Variants in HEMK2 observed in about 807,000 individuals in gnomAD.
The protein encoded by HEMK2 is methyltransferase HEMK2.
chr21:28,725,183 G>A, the HEMK2 span, among the ~76,000 whole-genome samples: 48,264 of 152,006 alleles, frequency 0.32, 8,514 homozygotes, highest in East Asian at 0.55. Context: ...GTTGTTGGGT[G>A]TCCCTAGAGC....
chr21:28,771,658 C>T, the HEMK2 span, among the ~76,000 whole-genome samples: 1 of 152,064 alleles, frequency 6.6e-6, no homozygotes, highest in Non-Finnish European at 1.5e-5. Context: ...TCTCTGTGTC[C>T]ATTTTAACAG....
the HEMK2 span, among the ~76,000 whole-genome samples, chr21:28,600,175 C>T: frequency 2.0e-5 from 3 of 152,250 alleles, no homozygotes; most frequent in Admixed American, 6.5e-5. Context: ...GGGCTTTAAC[C>T]ACACATTTCC....
chr21:28,807,339 T>C, the HEMK2 span, among the ~76,000 whole-genome samples: 1 of 152,216 alleles, frequency 6.6e-6, no homozygotes, highest in African/African-American at 2.4e-5. Flanking sequence ...CTACCCACCA[T>C]ATCCAATCCA....
the HEMK2 span, among the ~76,000 whole-genome samples, chr21:28,755,893 T>C: frequency 6.6e-6 from 1 of 152,200 alleles, no homozygotes; most frequent in African/African-American, 2.4e-5. Context: ...CTTATACCTA[T>C]ATGCACGAAG....
the HEMK2 span, among the ~76,000 whole-genome samples, chr21:28,858,992 G>A: frequency 1.3e-5 from 2 of 152,294 alleles, no homozygotes; most frequent in African/African-American, 4.8e-5. Context: ...TTCTTTAATT[G>A]ATGCTATTTC....
At chr21:28,726,051 T>TTTCCA in the HEMK2 span, among the ~76,000 whole-genome samples, 1 of 152,186 alleles carries the variant, frequency 6.6e-6, no homozygotes, top group Non-Finnish European at 1.5e-5. Flanking sequence ...TAAAGTCATA[T>TTTCCA]TTCCATTCCA....
chr21:28,596,010 T>C, the HEMK2 span, among the ~76,000 whole-genome samples: 2 of 151,572 alleles, frequency 1.3e-5, no homozygotes, highest in African/African-American at 4.9e-5. Flanking sequence ...GGTCTCGATC[T>C]CCTGACCTCA....
chr21:28,618,552 T>C, the HEMK2 span, among the ~76,000 whole-genome samples: 4 of 152,250 alleles, frequency 2.6e-5, no homozygotes, highest in Non-Finnish European at 5.9e-5. Flanking sequence ...TAGTAAAATA[T>C]TGTTGAATCA....
At chr21:28,784,414 G>A in the HEMK2 span, among the ~76,000 whole-genome samples, 1 of 150,444 alleles carries the variant, frequency 6.6e-6, no homozygotes, top group Non-Finnish European at 1.5e-5. Context: ...TCAGTGCTCT[G>A]TGTCTAGCTA....
At chr21:28,830,151 C>A in the HEMK2 span, among the ~76,000 whole-genome samples, 3 of 152,268 alleles carry the variant, frequency 2.0e-5, no homozygotes, top group South Asian at 4.1e-4. Context: ...ATGGTACATC[C>A]AGACACTTAC....
chr21:28,801,560 GAAAATTTGAAAA>G, the HEMK2 span, among the ~76,000 whole-genome samples: 1 of 151,630 alleles, frequency 6.6e-6, no homozygotes, highest in Non-Finnish European at 1.5e-5. Context: ...CAATCAATAG[GAAAATTTGAAAA>G]AATATATTTG....
chr21:28,808,545 T>A, the HEMK2 span, among the ~76,000 whole-genome samples: 1 of 152,120 alleles, frequency 6.6e-6, no homozygotes, highest in Non-Finnish European at 1.5e-5. Context: ...TTTATTTGGG[T>A]CTTGTTTAAT....
chr21:28,689,576 G>A, the HEMK2 span, among the ~76,000 whole-genome samples: 1 of 152,036 alleles, frequency 6.6e-6, no homozygotes, highest in South Asian at 2.1e-4. Flanking sequence ...CAAGGTATAA[G>A]GCGATCACAC....
chr21:28,681,350 T>C, the HEMK2 span, among the ~76,000 whole-genome samples: 234 of 152,216 alleles, frequency 1.5e-3, no homozygotes, highest in Middle Eastern at 0.017. Flanking sequence ...ACAAGGGATG[T>C]GAAGGACCTC....
the HEMK2 span, among the ~76,000 whole-genome samples, chr21:28,616,453 GAA>G: frequency 1.3e-5 from 2 of 152,092 alleles, no homozygotes; most frequent in African/African-American, 4.8e-5. Context: ...AGTCTTGTTT[GAA>G]AAGTTATGAA....
the HEMK2 span, among the ~76,000 whole-genome samples, chr21:28,749,570 T>C: frequency 2.0e-5 from 3 of 152,202 alleles, no homozygotes; most frequent in Admixed American, 6.5e-5. Context: ...TTTTTAAATG[T>C]GCAAGAATCC....
the HEMK2 span, among the ~76,000 whole-genome samples, chr21:28,607,655 C>G: frequency 6.6e-6 from 1 of 152,274 alleles, no homozygotes; most frequent in African/African-American, 2.4e-5. Context: ...TTCACGGAGG[C>G]AGAAGCTCAT....
the HEMK2 span, among the ~76,000 whole-genome samples, chr21:28,746,543 T>G: frequency 8.6e-5 from 13 of 152,010 alleles, no homozygotes; most frequent in African/African-American, 3.1e-4. Context: ...AATATATGAG[T>G]GATAAATGTA....
the HEMK2 span, among the ~76,000 whole-genome samples, chr21:28,848,989 G>A: frequency 3.3e-5 from 5 of 152,148 alleles, no homozygotes; most frequent in African/African-American, 1.2e-4. Context: ...CCCCACCCCA[G>A]CTGACACGCA....
Sources: allele counts gnomAD v4.1 joint callset (sites outside exome capture counted in the v4.1 genomes callset), GRCh38; gene constraint gnomAD v4.1.1; transcripts MANE v1.5; gene names NCBI Gene and HGNC (gene_info 2026-07-23, HGNC 2026-07-21).